GNA15: variants seen among roughly 807,000 people sequenced by gnomAD.
GNA15 encodes G protein subunit alpha 15.
GNA15 carries 23 observed loss-of-function variants against 40.1 expected under a neutral mutation model. That is an observed-to-expected ratio of 0.57 (90% CI 0.41 to 0.81). The LOEUF is 0.81. Ranked by LOEUF, GNA15 falls within the 40% of genes least tolerant of loss-of-function variation. The pLI, the probability that GNA15 is intolerant of heterozygous loss-of-function variation, is 0.00. For synonymous variants in GNA15, 226 were observed against 210.4 expected (o/e 1.07, Z -0.64); for missense variants, 522 against 515.8 (o/e 1.01, Z -0.12).
In GNA15 at chr19:3,150,282, T is replaced by C; in HGVS notation, c.482T>C (p.Val161Ala). Residue 161 changes from valine (V) to alanine (A), a missense_variant, in exon 3 of 7, where the codon GTG (valine) becomes GCG (alanine). Coordinates refer to ENST00000262958, the MANE Select transcript of GNA15 (RefSeq NM_002068.4). Reference sequence around the variant, plus strand: ...GAATTCCACCTGCTCGATTCAGCCGTGTAGTGAGTCTGGGGTCTGCGGGGG... The same window carrying C: ...GAATTCCACCTGCTCGATTCAGCCGCGTAGTGAGTCTGGGGTCTGCGGGGG... Reference protein sequence around the residue: ...RREFHLLDSAVYYLSHLERIT... With the variant: ...RREFHLLDSAAYYLSHLERIT... 2 of 1,583,208 alleles carry C rather than the reference T, an allele frequency of 1.3e-6. No individual in the cohort carries two copies. The highest frequency in any genetic ancestry group is 1.7e-5 in the Admixed American group (1 of 58,054).
chr19:3,147,677 C>T (rs1424904927), intron 1 of GNA15, among the ~76,000 whole-genome samples: 6 of 151,890 alleles, frequency 4.0e-5, no homozygotes, highest in South Asian at 4.1e-4. Flanking sequence ...GAGGCCGAGG[C>T]GGGTGGATCA....
At chr19:3,138,324 T>G (rs1416598353) in intron 1 of GNA15, among the ~76,000 whole-genome samples, 2 of 150,788 alleles carry the variant, frequency 1.3e-5, no homozygotes, top group East Asian at 3.9e-4. Flanking sequence ...CCGTAGCTTG[T>G]TTCCCCAATT....
In GNA15 at chr19:3,155,688, C is replaced by T. The variant is rs1170383501; in HGVS notation, c.615-135C>T. The T allele has an allele frequency of 4.9e-6, 5 of 1,015,422 alleles. No homozygotes were observed. The highest frequency in any genetic ancestry group is 1.6e-5 in the South Asian group (1 of 64,166). The allele number at this position is 1,015,422 out of a possible 1,614,324, so 62.9% of individuals were successfully genotyped here. Reference sequence around the variant, plus strand: ...TCCTTGCCTCGCGGGAATGACATGGCAAATCCACGAGAGGCTAGCACCTAT... The same window carrying T: ...TCCTTGCCTCGCGGGAATGACATGGTAAATCCACGAGAGGCTAGCACCTAT... On this transcript the variant is annotated intron_variant, in intron 4 of 6. Coordinates refer to ENST00000262958, the MANE Select transcript of GNA15 (RefSeq NM_002068.4). The surrounding 1 kb of genome is among the most constrained non-coding windows in gnomAD (Gnocchi z 5.6).
chr19:3,157,595 C>G (rs1915057136), intron 5 of GNA15, 133 bp from the exon 6 acceptor site: 1 of 725,384 alleles, frequency 1.4e-6, no homozygotes, highest in Non-Finnish European at 2.3e-6. Context: ...ACGGGCACAC[C>G]CGCCTCAGCC....
chr19:3,146,087 C>G (rs1047280543), intron 1 of GNA15, among the ~76,000 whole-genome samples: 11 of 152,216 alleles, frequency 7.2e-5, no homozygotes, highest in African/African-American at 2.6e-4. Flanking sequence ...TTTCTGGGCC[C>G]CAACCAAGCC....
At chr19:3,156,201 C>G (rs1915011369) in intron 5 of GNA15, among the ~76,000 whole-genome samples, 1 of 144,700 alleles carries the variant, frequency 6.9e-6, no homozygotes, top group Non-Finnish European at 1.5e-5. Context: ...CACACACACA[C>G]ACTACAGTGC....
rs527781958 is a variant in GNA15 at position 3,163,050 on chromosome 19, G to C, written c.*31G>C. ...GCCCCACCTGGGGCAGGCGGCACCGGCGGGCGGGTGGGAGGTGGGAGTGGC... is the reference window on the plus strand; with the variant it reads ...GCCCCACCTGGGGCAGGCGGCACCGCCGGGCGGGTGGGAGGTGGGAGTGGC... On this transcript the variant is annotated 3_prime_UTR_variant, in exon 7 of 7. Transcript: ENST00000262958. 6.8e-7 allele frequency: 1 copy of C among 1,480,506 alleles called. No homozygotes were observed. Among genetic ancestry groups the C allele is most frequent in the Non-Finnish European group, 9.4e-7 (1 of 1,059,966 alleles). The allele number at this position is 1,480,506 out of a possible 1,614,324, so 91.7% of individuals were successfully genotyped here.
chr19:3,148,438 C>T (rs1217565920), intron 1 of GNA15, among the ~76,000 whole-genome samples, 153 bp from the exon 2 acceptor site: 3 of 151,752 alleles, frequency 2.0e-5, no homozygotes, highest in South Asian at 2.1e-4. Context: ...GCGGCAAAGC[C>T]GCTAGCCTAG....
chr19:3,154,134 G>A (rs1008910500), intron 4 of GNA15, among the ~76,000 whole-genome samples: 1 of 150,094 alleles, frequency 6.7e-6, no homozygotes, highest in African/African-American at 2.5e-5. Context: ...ATAGATGGAT[G>A]GGTGGATGGA....
intron 1 of GNA15, among the ~76,000 whole-genome samples, chr19:3,147,834 G>C (rs1206427801): frequency 4.8e-5 from 7 of 145,436 alleles, no homozygotes; most frequent in Non-Finnish European, 1.0e-4. Flanking sequence ...CTTGCAGTGA[G>C]CCGAGGTCGC....
chr19:3,149,045 A>G, intron 2 of GNA15: 2 of 334,884 alleles, frequency 6.0e-6, no homozygotes, highest in South Asian at 4.7e-5. Context: ...ACACACGTAC[A>G]TGCTCACAAA....
At position 3,155,586 on chromosome 19, in the gene GNA15, C is replaced by A. The variant is rs1443443897; in HGVS notation, c.615-237C>A. 6.6e-6 allele frequency among the ~76,000 whole-genome samples: 1 copy of A among 152,220 alleles called. No homozygotes were observed. The highest frequency in any genetic ancestry group is 1.5e-5 in the Non-Finnish European group (1 of 68,042). Reference sequence around the variant, plus strand: ...TGGGGGTAGAAAGCAGGCAGCCCAGCACAGTAGAAGCTTGGGAAAGTCCCC... The same window carrying A: ...TGGGGGTAGAAAGCAGGCAGCCCAGAACAGTAGAAGCTTGGGAAAGTCCCC... On this transcript the variant is annotated intron_variant, in intron 4 of 6. Coordinates refer to ENST00000262958, the MANE Select transcript of GNA15 (RefSeq NM_002068.4). This position sits in a 1 kb window ranked among gnomAD's most constrained non-coding sequence, Gnocchi z 5.6.
chr19:3,144,719 G>T (rs554901126), intron 1 of GNA15, among the ~76,000 whole-genome samples: 4 of 150,310 alleles, frequency 2.7e-5, no homozygotes, highest in East Asian at 2.0e-4. Flanking sequence ...TAGTAGAGAC[G>T]GGGTTTCACC....
In GNA15 at chr19:3,155,863, T is replaced by G. The variant is rs1436462432; in HGVS notation, c.655T>G (p.Trp219Gly). The G allele has an allele frequency of 6.2e-7, 1 of 1,613,978 alleles. No homozygotes were observed. Among genetic ancestry groups the G allele is most frequent in the Admixed American group, 1.7e-5 (1 of 60,002 alleles). Reference sequence around the variant, plus strand: ...GGGCCAGAAGTCAGAGCGTAAGAAATGGATCCATTGTTTCGAGAACGTGAT... The same window carrying G: ...GGGCCAGAAGTCAGAGCGTAAGAAAGGGATCCATTGTTTCGAGAACGTGAT... Reference protein sequence around the residue: ...VGGQKSERKKWIHCFENVIAL... With the variant: ...VGGQKSERKKGIHCFENVIAL... Residue 219 changes from tryptophan to glycine, a missense_variant, in exon 5 of 7, where the codon TGG becomes GGG. Transcript: ENST00000262958. This position sits in a 1 kb window ranked among gnomAD's most constrained non-coding sequence, Gnocchi z 5.6.
chr19:3,150,522 T>C (rs1349409167), intron 3 of GNA15, among the ~76,000 whole-genome samples: 1 of 151,996 alleles, frequency 6.6e-6, no homozygotes, highest in Non-Finnish European at 1.5e-5. Context: ...GTGGACCCTG[T>C]TCCTTGGGAC....
intron 1 of GNA15, among the ~76,000 whole-genome samples, chr19:3,145,346 TATATATATATA>T (rs1253863158): frequency 3.2e-5 from 1 of 31,626 alleles, no homozygotes; most frequent in Non-Finnish European, 6.0e-5. Flanking sequence ...AATATATATA[TATATATATATA>T]TATTTTTTTT....
intron 1 of GNA15, among the ~76,000 whole-genome samples, chr19:3,140,318 T>G (rs1333362971): frequency 1.3e-5 from 2 of 152,162 alleles, no homozygotes; most frequent in Admixed American, 6.6e-5. Context: ...TCTGCAGTGA[T>G]GTCCTCTCTT....
chr19:3,163,173 C>T lies in GNA15; in HGVS notation c.*154C>T. The T allele has an allele frequency of 4.8e-6, 3 of 621,896 alleles. No individual in the cohort carries two copies. The highest frequency in any genetic ancestry group is 5.8e-6 in the Non-Finnish European group (2 of 346,898). 38.5% of individuals were successfully genotyped at this position (621,896 alleles called of 1,614,324 possible). A position where few individuals can be genotyped will look rare whatever the true frequency, so the allele number is the denominator to read the frequency against. On this transcript the variant is annotated 3_prime_UTR_variant, in exon 7 of 7. Transcript: ENST00000262958. ...GGCCCGCTGCTGGCCGCTCTCTTCT[C>T]TGCCTCTCACCAGGACAGCCGCCCC...
In GNA15 at chr19:3,150,163, C is replaced by T; in HGVS notation, c.363C>T (p.Pro121=). 17 of 1,613,512 alleles carry T rather than the reference C, an allele frequency of 1.1e-5. No individual in the cohort carries two copies. The highest frequency in any genetic ancestry group is 1.4e-5 in the Non-Finnish European group (17 of 1,179,950). Residue 121 remains proline, a synonymous_variant, in exon 3 of 7, where the codon CCC becomes CCT. Coordinates refer to ENST00000262958, the MANE Select transcript of GNA15 (RefSeq NM_002068.4). ...CTAGCCTGGTCATGAGCCAGGACCCCTATAAAGTGACCACGTTTGAGAAGC... is the reference window on the plus strand; with the variant it reads ...CTAGCCTGGTCATGAGCCAGGACCCTTATAAAGTGACCACGTTTGAGAAGC... The part of the protein sequence containing the change: ...HHASLVMSQD[P]YKVTTFEKRY...
Sources: gnomAD v4.1 joint callset for allele counts (sites outside exome capture counted in the v4.1 genomes callset) on GRCh38, gnomAD v4.1.1 for gene constraint, Gnocchi (gnomAD v3.1) non-coding constraint, MANE v1.5 for transcripts, NCBI Gene and HGNC (gene_info 2026-07-23, HGNC 2026-07-21) for gene names.